CNIH3: variants seen among roughly 807,000 people sequenced by gnomAD.
CNIH3 encodes the protein cornichon family AMPA receptor auxiliary protein 3.
CNIH3 carries 14 observed loss-of-function variants against 24.1 expected under a neutral mutation model. That is an observed-to-expected ratio of 0.58 (90% CI 0.38 to 0.91). The LOEUF (loss-of-function observed/expected upper bound fraction) is 0.91, where lower values mean the gene tolerates loss of function less well. Ranked by LOEUF, CNIH3 falls within the 40% of genes least tolerant of loss-of-function variation. CNIH3 has a pLI of 0.00. For missense variants in CNIH3, 178 were observed against 196.8 expected, an observed-to-expected ratio of 0.90 and a Z score of 0.57; for synonymous variants, 68 against 73.8, an observed-to-expected ratio of 0.92 and a Z score of 0.40.
chr1:224,568,506 C>G (rs759204084), intron 4 of CNIH3, among the ~76,000 whole-genome samples: 67 of 152,182 alleles, frequency 4.4e-4, no homozygotes, highest in Middle Eastern at 3.4e-3. Context: ...CCTGTAATCC[C>G]AGAGCTTCTG....
At chr1:224,443,662 T>TAG (rs1558461499) in intron 1 of CNIH3, among the ~76,000 whole-genome samples, 44 of 148,970 alleles carry the variant, frequency 3.0e-4, no homozygotes, top group South Asian at 8.4e-4. Flanking sequence ...CAATTATATA[T>TAG]ATAGATAGAT....
At chr1:224,738,819 G>T (rs1223143835) in intron 5 of CNIH3, among the ~76,000 whole-genome samples, 1 of 152,114 alleles carries the variant, frequency 6.6e-6, no homozygotes, top group African/African-American at 2.4e-5. Context: ...ACCCAATCAA[G>T]AATTCATTGA....
intron 2 of CNIH3, among the ~76,000 whole-genome samples, chr1:224,536,009 A>G (rs1295115934): frequency 6.6e-6 from 1 of 152,174 alleles, no homozygotes; most frequent in East Asian, 1.9e-4. Context: ...GCTGGAGGGT[A>G]AAGGAACCTG....
At chr1:224,724,286 G>A (rs907595328) in intron 3 of CNIH3, among the ~76,000 whole-genome samples, 20 of 152,274 alleles carry the variant, frequency 1.3e-4, no homozygotes, top group African/African-American at 4.8e-4. Flanking sequence ...TGCCATTTGA[G>A]GTTGGCTGCT....
rs530910548 is a variant in CNIH3 at position 224,452,519 on chromosome 1, C to G, written n.203+17657C>G. On this transcript the variant is annotated intron_variant and non_coding_transcript_variant, in intron 1 of 5. Coordinates refer to the CNIH3 transcript ENST00000471578. ...AGTGTTGGCCGGGCACGGTGGCTCA[C>G]ACCTGTAATCCCAGCACTTTGGGAG... Among the ~76,000 whole-genome samples, 12 of 151,938 alleles carry G rather than the reference C, an allele frequency of 7.9e-5. 1 individual carries two copies. Among genetic ancestry groups the G allele is most frequent in the Non-Finnish European group, 1.2e-4 (8 of 67,954 alleles).
rs751405054 is a variant in CNIH3, at chr1:224,680,858, C to T, written c.82-100C>T. 22 of 883,246 alleles carry T rather than the reference C, an allele frequency of 2.5e-5. 1 individual carries two copies. The highest frequency in any genetic ancestry group is 3.8e-5 in the Non-Finnish European group (20 of 527,960). The allele number at this position is 883,246 out of a possible 1,614,324, so 54.7% of individuals were successfully genotyped here. ...AATCTCATGCCATCTACAGCCTCTT[C>T]CTTTCTGTTGTGTTATTTGGAAGCA... is the stretch of plus-strand genomic sequence containing the variant. On this transcript the variant is annotated intron_variant, in intron 1 of 5. Transcript: ENST00000272133.
intron 3 of CNIH3, among the ~76,000 whole-genome samples, chr1:224,562,419 A>T (rs544304901): frequency 1.3e-5 from 2 of 152,286 alleles, no homozygotes; most frequent in Admixed American, 6.5e-5. Flanking sequence ...GGTGGAAGAG[A>T]TCTTAGGCCA....
intron 3 of CNIH3, among the ~76,000 whole-genome samples, chr1:224,565,976 T>C (rs1680565221): frequency 6.6e-6 from 1 of 152,130 alleles, no homozygotes. Context: ...TCTCCCTTGT[T>C]TCTTGCTGAA....
At chr1:224,648,850 C>G (rs1684740298) in intron 1 of CNIH3, among the ~76,000 whole-genome samples, 1 of 152,174 alleles carries the variant, frequency 6.6e-6, no homozygotes, top group South Asian at 2.1e-4. Context: ...GGTTCTCAGC[C>G]CTGCTACAAG....
chr1:224,574,026 G>GT (rs775165736), intron 4 of CNIH3, among the ~76,000 whole-genome samples: 29 of 152,188 alleles, frequency 1.9e-4, no homozygotes, highest in Non-Finnish European at 3.4e-4. Flanking sequence ...GCCTCCCAAG[G>GT]TGTTGGGATT....
chr1:224,724,629 C>T (rs752457372), intron 3 of CNIH3, among the ~76,000 whole-genome samples: 4 of 152,144 alleles, frequency 2.6e-5, no homozygotes, highest in Non-Finnish European at 4.4e-5. Context: ...CTCTTTGGCT[C>T]CTGGGGCAAA....
downstream of CNIH3, among the ~76,000 whole-genome samples, chr1:224,538,665 T>C (rs552296220): frequency 1.4e-3 from 201 of 143,426 alleles, no homozygotes; most frequent in African/African-American, 2.2e-3. Context: ...CTCTCTCTCT[T>C]TTTTTTTTTT....
intron 1 of CNIH3, among the ~76,000 whole-genome samples, chr1:224,641,082 A>G (rs1334167458): frequency 6.6e-6 from 1 of 152,114 alleles, no homozygotes; most frequent in Non-Finnish European, 1.5e-5. Context: ...CATTTTCAGT[A>G]TAATTGGGAT....
At chr1:224,714,046 C>G (rs980208158) in intron 3 of CNIH3, among the ~76,000 whole-genome samples, 2 of 152,194 alleles carry the variant, frequency 1.3e-5, no homozygotes, top group Non-Finnish European at 2.9e-5. Flanking sequence ...AACTCCTGGG[C>G]TCAAGTGATC....
chr1:224,487,918 A>G (rs1363412250), intron 1 of CNIH3, among the ~76,000 whole-genome samples: 2 of 152,142 alleles, frequency 1.3e-5, no homozygotes, highest in Non-Finnish European at 2.9e-5. Context: ...TTGTTTCTTT[A>G]AAAAGAAACA....
intron 3 of CNIH3, among the ~76,000 whole-genome samples, chr1:224,697,946 T>C (rs764425696): frequency 1.3e-5 from 2 of 152,234 alleles, no homozygotes; most frequent in Non-Finnish European, 2.9e-5. Flanking sequence ...AGCTCCCAGC[T>C]TGTGCTGAAT....
chr1:224,692,967 G>T lies in CNIH3; in HGVS notation c.198+8124G>T, dbSNP rs12058085. On this transcript the variant is annotated intron_variant, in intron 3 of 5. Coordinates refer to ENST00000272133, the MANE Select transcript of CNIH3 (RefSeq NM_152495.2). ...TGCTTGGCTCACTGTTGATGGGTCC[G>T]AGTGGATTCTTTTAAGGCTCTTTTT... Among the ~76,000 whole-genome samples, 26 of 152,208 alleles carry T rather than the reference G, an allele frequency of 1.7e-4. No homozygotes were observed. The East Asian group carries it at 3.7e-3, about 21-fold the overall frequency.
In CNIH3 at chr1:224,493,657, T is replaced by C. The variant is rs115417917; in HGVS notation, n.204-22084T>C. 2.9e-3 allele frequency among the ~76,000 whole-genome samples: 444 copies of C among 152,292 alleles called. 4 individuals are homozygous for C. The highest frequency in any genetic ancestry group is 4.8e-3 in the Admixed American group (73 of 15,300). ...AGTTACAGTAAAAAGTATTGGAATT[T>C]GGGGATGATTTGCTTTTACCATATC... On this transcript the variant is annotated intron_variant and non_coding_transcript_variant, in intron 1 of 5. Transcript: ENST00000471578.
intron 3 of CNIH3, among the ~76,000 whole-genome samples, chr1:224,715,224 T>G (rs1688365270): frequency 6.6e-6 from 1 of 152,178 alleles, no homozygotes; most frequent in Non-Finnish European, 1.5e-5. Context: ...CATGTCTCCA[T>G]CTTTAAACGT....
Sources: allele counts gnomAD v4.1 joint callset (sites outside exome capture counted in the v4.1 genomes callset), GRCh38; gene constraint gnomAD v4.1.1; transcripts MANE v1.5; gene names NCBI Gene and HGNC (gene_info 2026-07-23, HGNC 2026-07-21).